PDE4D: variants seen among roughly 807,000 people sequenced by gnomAD.
The protein encoded by PDE4D is phosphodiesterase 4D, also known as 3',5'-cyclic-AMP phosphodiesterase 4D.
Under a neutral mutation model 87.4 loss-of-function variants are expected in PDE4D, and 24 were observed. The ratio of observed to expected loss-of-function variants is 0.27; its 90% CI spans 0.20 to 0.39. The LOEUF (loss-of-function observed/expected upper bound fraction) is 0.39. PDE4D is among the 10% of genes least tolerant of loss of function. The probability of loss-of-function intolerance (pLI) is 1.00; values close to 1 mark genes in which losing one functional copy is unlikely to be tolerated. For synonymous variants in PDE4D, 384 were observed against 383.2 expected (o/e 1.00, Z -0.02); for missense variants, 714 against 1,041.0 (o/e 0.69, Z 4.32).
intron 1 of PDE4D, chr5:60,460,212 C>G: frequency 1.4e-6 from 2 of 1,469,032 alleles, no homozygotes; most frequent in Non-Finnish European, 1.9e-6. Flanking sequence ...TCATCAAATC[C>G]TTTCCAGATT....
intron 1 of PDE4D, among the ~76,000 whole-genome samples, chr5:59,870,245 T>C (rs982508169): frequency 3.9e-5 from 6 of 152,242 alleles, no homozygotes; most frequent in Non-Finnish European, 8.8e-5. Context: ...TAAACAGAAT[T>C]AACTATGATG....
intron 1 of PDE4D, among the ~76,000 whole-genome samples, chr5:60,265,950 G>A (rs1389235183): frequency 6.6e-6 from 1 of 152,206 alleles, no homozygotes; most frequent in Non-Finnish European, 1.5e-5. Flanking sequence ...GAACAGGACA[G>A]AAGCTACAGA....
At chr5:59,004,121 C>T (rs893966791) in intron 6 of PDE4D, among the ~76,000 whole-genome samples, 19 of 149,792 alleles carry the variant, frequency 1.3e-4, no homozygotes, top group African/African-American at 4.4e-4. Flanking sequence ...AGGCTAAATA[C>T]TCCCTACATA....
chr5:59,405,438 T>C lies in PDE4D; in HGVS notation c.456-189470A>G, dbSNP rs1464341549. On this transcript the variant is annotated intron_variant, in intron 1 of 14. Transcript: ENST00000340635. ...TATGTTGAATTTGTGTCTTGCAACT[T>C]TATTGAATCTGTTTACCAGTTCTAG... 3.3e-5 allele frequency among the ~76,000 whole-genome samples: 5 copies of C among 152,344 alleles called. No homozygotes were observed. In the East Asian group the frequency reaches 9.6e-4, roughly 29 times the overall value.
intron 2 of PDE4D, among the ~76,000 whole-genome samples, chr5:59,197,664 T>C (rs546368898): frequency 3.3e-5 from 5 of 152,346 alleles, no homozygotes; most frequent in African/African-American, 7.2e-5. Context: ...ATAAATATAA[T>C]ACAAACATAT....
At chr5:59,644,789 A>G (rs901205678) in intron 1 of PDE4D, among the ~76,000 whole-genome samples, 1 of 152,228 alleles carries the variant, frequency 6.6e-6, no homozygotes, top group African/African-American at 2.4e-5. Flanking sequence ...AGGATAATCC[A>G]GGTTACAAAT....
At chr5:59,440,818 G>A (rs1365419978) in intron 1 of PDE4D, among the ~76,000 whole-genome samples, 1 of 152,030 alleles carries the variant, frequency 6.6e-6, no homozygotes, top group Non-Finnish European at 1.5e-5. Context: ...ATAGTTAAAA[G>A]GTTCATTAGA....
intron 5 of PDE4D, among the ~76,000 whole-genome samples, chr5:59,137,314 T>G (rs1233321384): frequency 6.6e-6 from 1 of 152,150 alleles, no homozygotes; most frequent in Non-Finnish European, 1.5e-5. Flanking sequence ...GAAAAGAAGC[T>G]ATTGTGAAAG....
At chr5:60,134,757 A>C (rs1159053057) in intron 2 of PDE4D, among the ~76,000 whole-genome samples, 1 of 152,226 alleles carries the variant, frequency 6.6e-6, no homozygotes, top group Non-Finnish European at 1.5e-5. Context: ...TTAGGAAATA[A>C]TGACAAGAAA....
At chr5:60,348,626 T>C (rs1036694674) in intron 1 of PDE4D, among the ~76,000 whole-genome samples, 1 of 152,162 alleles carries the variant, frequency 6.6e-6, no homozygotes, top group Non-Finnish European at 1.5e-5. Context: ...GTCCAACTGC[T>C]TAAAATTTCA....
At chr5:59,702,869 C>CAAAAA (rs71604798) in intron 1 of PDE4D, among the ~76,000 whole-genome samples, 4,740 of 69,318 alleles carry the variant, frequency 0.068, 351 homozygotes, top group African/African-American at 0.16. Flanking sequence ...GACCCTGTCT[C>CAAAAA]AAAAAAAAAA....
intron 1 of PDE4D, among the ~76,000 whole-genome samples, chr5:59,813,445 TACACACACAC>T (rs35313403): frequency 0.065 from 9,345 of 143,124 alleles, 1,011 homozygotes; most frequent in African/African-American, 0.22. Flanking sequence ...CATACACTTG[TACACACACAC>T]ACACACACAC....
chr5:59,766,722 C>G lies in PDE4D; in HGVS notation c.455+126446G>C, dbSNP rs572293582. On this transcript the variant is annotated intron_variant, in intron 1 of 14. Coordinates refer to ENST00000340635, the MANE Select transcript of PDE4D (RefSeq NM_001104631.2). ...CACCCGATGCCTGGCCTTGAGCCAACCTTCTCCTTCAGTGCATCTCCCAGT... is the reference window on the plus strand; with the variant it reads ...CACCCGATGCCTGGCCTTGAGCCAAGCTTCTCCTTCAGTGCATCTCCCAGT... 2.0e-5 allele frequency among the ~76,000 whole-genome samples: 3 copies of G among 152,366 alleles called. No homozygotes were observed. In the South Asian group the frequency reaches 6.2e-4, roughly 32 times the overall value.
At chr5:59,516,156 C>T (rs558601602) in intron 1 of PDE4D, among the ~76,000 whole-genome samples, 2 of 152,114 alleles carry the variant, frequency 1.3e-5, no homozygotes, top group African/African-American at 4.8e-5. Context: ...CTAAACCAGC[C>T]CAATAGGGAA....
At chr5:59,094,037 G>A (rs182188879) in intron 5 of PDE4D, among the ~76,000 whole-genome samples, 64 of 151,980 alleles carry the variant, frequency 4.2e-4, no homozygotes, top group Admixed American at 1.4e-3. Flanking sequence ...GGCCAACATG[G>A]TGAAACCCCA....
At chr5:59,911,857 A>G (rs1423045251) in intron 3 of PDE4D, among the ~76,000 whole-genome samples, 1 of 152,226 alleles carries the variant, frequency 6.6e-6, no homozygotes, top group Non-Finnish European at 1.5e-5. Context: ...GTATTATGGT[A>G]ATGTATAATG....
intron 1 of PDE4D, among the ~76,000 whole-genome samples, chr5:60,415,531 T>C (rs1311178774): frequency 6.6e-6 from 1 of 152,164 alleles, no homozygotes; most frequent in Non-Finnish European, 1.5e-5. Flanking sequence ...GGCGTGGGCT[T>C]GGTGGGCCCG....
At chr5:59,287,718 C>CAGAG (rs144084939) in intron 1 of PDE4D, among the ~76,000 whole-genome samples, 27,282 of 149,510 alleles carry the variant, frequency 0.18, 3,352 homozygotes, top group African/African-American at 0.36. Flanking sequence ...GAGACACACA[C>CAGAG]AGAGAGAGAG....
intron 3 of PDE4D, among the ~76,000 whole-genome samples, chr5:59,922,336 A>T (rs1754764735): frequency 6.6e-6 from 1 of 152,064 alleles, no homozygotes; most frequent in Non-Finnish European, 1.5e-5. Context: ...ATTAGTGTTT[A>T]TGGGGGACAT....
Sources: allele counts gnomAD v4.1 joint callset (sites outside exome capture counted in the v4.1 genomes callset), GRCh38; gene constraint gnomAD v4.1.1; transcripts MANE v1.5; gene names NCBI Gene and HGNC (gene_info 2026-07-23, HGNC 2026-07-21).